FTO: variants seen among roughly 807,000 people sequenced by gnomAD.
FTO encodes FTO alpha-ketoglutarate dependent dioxygenase, also known as alpha-ketoglutarate-dependent dioxygenase FTO.
In FTO, 47 loss-of-function variants were observed where a neutral mutation model predicts 63.9. That is an observed-to-expected ratio of 0.74 (90% CI 0.58 to 0.94). The LOEUF is 0.94. FTO is among the 40% of genes least tolerant of loss of function. The probability of loss-of-function intolerance (pLI) is 0.00; values close to 1 mark genes in which losing one functional copy is unlikely to be tolerated. For synonymous variants in FTO, 207 were observed against 224.4 expected (o/e 0.92, Z 0.69); for missense variants, 562 against 618.1 (o/e 0.91, Z 0.96).
intron 7 of FTO, among the ~76,000 whole-genome samples, chr16:53,905,212 A>C (rs1015357749): frequency 2.0e-5 from 3 of 151,898 alleles, no homozygotes; most frequent in African/African-American, 7.3e-5. Context: ...CCACTCCATC[A>C]CCTTTGAAGT....
At chr16:54,051,364 C>CCGCT (rs2085308895) in intron 8 of FTO, among the ~76,000 whole-genome samples, 1 of 152,228 alleles carries the variant, frequency 6.6e-6, no homozygotes, top group African/African-American at 2.4e-5. Context: ...CCAATAGCTG[C>CCGCT]CTAGCCAGTG....
intron 6 of FTO, among the ~76,000 whole-genome samples, chr16:53,883,546 C>T (rs1275263177): frequency 5.1e-5 from 7 of 136,744 alleles, no homozygotes; most frequent in East Asian, 2.6e-4. Context: ...CGCTTGAACC[C>T]GGGAGGCAGA....
Position 54,116,175 on chromosome 16 carries a change from G to A in FTO, c.*4260G>A, listed in dbSNP as rs573053402. 14 of 152,236 alleles carry A rather than the reference G, an allele frequency of 9.2e-5. No individual in the cohort carries two copies. Among genetic ancestry groups the A allele is most frequent in the South Asian group, 4.1e-4 (2 of 4,826 alleles). The allele number at this position is 152,236 out of a possible 1,614,324, so 9.4% of individuals were successfully genotyped here. On this transcript the variant is annotated 3_prime_UTR_variant, in exon 9 of 9. Coordinates refer to ENST00000471389, the MANE Select transcript of FTO (RefSeq NM_001080432.3). Reference sequence around the variant, plus strand: ...TTAACGGATCCCACATTCAGTAGACGGTTTTTTGTATGCTTCGAGGGAAGG... The same window carrying A: ...TTAACGGATCCCACATTCAGTAGACAGTTTTTTGTATGCTTCGAGGGAAGG...
intron 1 of FTO, among the ~76,000 whole-genome samples, chr16:53,803,578 A>T (rs2078281868): frequency 6.6e-6 from 1 of 152,310 alleles, no homozygotes; most frequent in Non-Finnish European, 1.5e-5. Context: ...GTTGTTTTTC[A>T]GTTAAAAATT....
intron 8 of FTO, among the ~76,000 whole-genome samples, chr16:54,038,064 G>A (rs750011440): frequency 2.0e-5 from 3 of 152,100 alleles, no homozygotes; most frequent in Non-Finnish European, 4.4e-5. Context: ...TATATTTTGG[G>A]CACAGCTGGA....
chr16:54,074,911 AGAGAGAGT>A (rs1166940459), intron 8 of FTO, among the ~76,000 whole-genome samples: 44 of 115,864 alleles, frequency 3.8e-4, no homozygotes, highest in African/African-American at 1.2e-3. Flanking sequence ...AGAGAGAGAG[AGAGAGAGT>A]GTGTGTGTGT....
chr16:53,830,882 T>A (rs530456579), intron 3 of FTO, among the ~76,000 whole-genome samples: 1 of 152,082 alleles, frequency 6.6e-6, no homozygotes, highest in Non-Finnish European at 1.5e-5. Context: ...GGCGACAGAG[T>A]GAGATTCCGT....
chr16:53,913,074 C>T (rs958774789), intron 7 of FTO, among the ~76,000 whole-genome samples: 1 of 152,114 alleles, frequency 6.6e-6, no homozygotes, highest in Non-Finnish European at 1.5e-5. Flanking sequence ...TTTCTTTCTT[C>T]CCCCTTCTAT....
intron 8 of FTO, among the ~76,000 whole-genome samples, chr16:54,096,404 C>T (rs2086517136): frequency 6.6e-6 from 1 of 152,168 alleles, no homozygotes; most frequent in Non-Finnish European, 1.5e-5. Context: ...TGGACTTCTT[C>T]CCTTTCTACA....
intron 8 of FTO, among the ~76,000 whole-genome samples, chr16:53,978,939 C>G (rs1021822158): frequency 6.6e-6 from 1 of 152,058 alleles, no homozygotes; most frequent in African/African-American, 2.4e-5. Flanking sequence ...ACAGAAGTTG[C>G]AGTGAGCTGA....
chr16:54,068,969 G>A lies in FTO; in HGVS notation c.1365-42793G>A, dbSNP rs79523200. Among the ~76,000 whole-genome samples, 1,029 of 152,148 alleles carry A rather than the reference G, an allele frequency of 6.8e-3. 16 individuals are homozygous for A. Among genetic ancestry groups the A allele is most frequent in the African/African-American group, 0.024 (989 of 41,500 alleles). Reference sequence around the variant, plus strand: ...CTTGATGGCTGCAGGCTGAAGTATCGTTTCCATCTTTCAAGCAAGAATATC... The same window carrying A: ...CTTGATGGCTGCAGGCTGAAGTATCATTTCCATCTTTCAAGCAAGAATATC... On this transcript the variant is annotated intron_variant, in intron 8 of 8. Transcript: ENST00000471389.
intron 8 of FTO, among the ~76,000 whole-genome samples, chr16:54,055,670 C>A (rs2085414972): frequency 1.3e-5 from 2 of 152,056 alleles, no homozygotes; most frequent in African/African-American, 4.8e-5. Flanking sequence ...CAAGTCGATT[C>A]TTGGATTAAA....
intron 4 of FTO, among the ~76,000 whole-genome samples, chr16:53,851,274 C>T (rs1416056297): frequency 7.0e-6 from 1 of 143,294 alleles, no homozygotes; most frequent in African/African-American, 2.7e-5. Context: ...ATGGTGATAC[C>T]CCACCTCTAC....
At chr16:54,090,689 C>T (rs568949696) in intron 8 of FTO, among the ~76,000 whole-genome samples, 4 of 152,250 alleles carry the variant, frequency 2.6e-5, no homozygotes, top group South Asian at 4.1e-4. Context: ...CAAATCACCC[C>T]GAAATGTAGT....
intron 7 of FTO, among the ~76,000 whole-genome samples, chr16:53,889,808 A>C (rs1338235532): frequency 6.6e-6 from 1 of 151,846 alleles, no homozygotes; most frequent in Non-Finnish European, 1.5e-5. Context: ...GAGGTCTTGC[A>C]TTAAGTCTTA....
intron 1 of FTO, among the ~76,000 whole-genome samples, chr16:53,804,858 G>A (rs570897156): frequency 5.9e-5 from 9 of 152,040 alleles, no homozygotes; most frequent in African/African-American, 1.4e-4. Flanking sequence ...CAAGTGATCC[G>A]TCTTCCTTGG....
At chr16:54,001,091 G>A (rs2084054929) in intron 8 of FTO, among the ~76,000 whole-genome samples, 1 of 152,130 alleles carries the variant, frequency 6.6e-6, no homozygotes, top group African/African-American at 2.4e-5. Flanking sequence ...ACTGAATTCT[G>A]GGATCTTAAG....
intron 8 of FTO, among the ~76,000 whole-genome samples, chr16:54,050,472 T>C (rs1045128213): frequency 2.6e-5 from 4 of 152,154 alleles, no homozygotes; most frequent in African/African-American, 7.2e-5. Context: ...TAAAATCCTC[T>C]GGGTGATGGA....
At chr16:53,911,513 G>A (rs969738427) in intron 7 of FTO, 27 of 702,656 alleles carry the variant, frequency 3.8e-5, no homozygotes, top group Admixed American at 3.8e-4. Flanking sequence ...GGTGGGGGAA[G>A]ATAGGTGAAT....
Sources: gnomAD v4.1 joint callset for allele counts (sites outside exome capture counted in the v4.1 genomes callset) on GRCh38, gnomAD v4.1.1 for gene constraint, MANE v1.5 for transcripts, NCBI Gene and HGNC (gene_info 2026-07-23, HGNC 2026-07-21) for gene names.